NCOR1: variants seen among roughly 807,000 people sequenced by gnomAD.
NCOR1 encodes the protein nuclear receptor corepressor 1.
NCOR1 carries 63 observed loss-of-function variants against 288.1 expected under a neutral mutation model. The observed-to-expected ratio is 0.22, with a 90% confidence interval of 0.18 to 0.27. The LOEUF is 0.27. Among genes scored for constraint, NCOR1 ranks in the 10% least tolerant of loss-of-function variants. The pLI is 1.00. For missense variants in NCOR1, 2,397 were observed against 3,019.2 expected (o/e 0.79, Z 4.83); for synonymous variants, 1,007 against 1,065.9 (o/e 0.94, Z 1.08).
intron 15 of NCOR1, among the ~76,000 whole-genome samples, chr17:16,124,096 T>A (rs575889897): frequency 2.6e-5 from 4 of 152,282 alleles, no homozygotes; most frequent in African/African-American, 7.2e-5. Flanking sequence ...CCCTTAGAGG[T>A]ATCTTCCTCA....
chr17:16,196,146 T>C (rs1568617665), intron 1 of NCOR1, among the ~76,000 whole-genome samples: 2 of 149,096 alleles, frequency 1.3e-5, no homozygotes, highest in African/African-American at 4.9e-5. Flanking sequence ...TATATAAAAA[T>C]ATAACATATA....
intron 18 of NCOR1, among the ~76,000 whole-genome samples, chr17:16,114,937 C>G (rs1286131412): frequency 6.6e-6 from 1 of 152,070 alleles, no homozygotes; most frequent in Non-Finnish European, 1.5e-5. Flanking sequence ...GGGAGTCTGA[C>G]CCCCCATTTC....
intron 21 of NCOR1, among the ~76,000 whole-genome samples, chr17:16,095,739 T>C (rs1368681161): frequency 2.6e-5 from 3 of 116,922 alleles, no homozygotes; most frequent in Admixed American, 8.8e-5. Context: ...CCGCCCCGTC[T>C]GGGAGGTGAG....
At chr17:16,092,684 TA>T (rs1567959754) in intron 21 of NCOR1, among the ~76,000 whole-genome samples, 958 of 18,026 alleles carry the variant, frequency 0.053, 37 homozygotes, top group Non-Finnish European at 0.068. Flanking sequence ...TATATATATA[TA>T]TATATATATA....
chr17:16,116,158 A>G (rs1264768684), intron 18 of NCOR1, among the ~76,000 whole-genome samples: 1 of 152,230 alleles, frequency 6.6e-6, no homozygotes, highest in Non-Finnish European at 1.5e-5. Flanking sequence ...TCACGAGAAT[A>G]GCATGAGAAA....
chr17:16,214,295 A>G (rs2092378320), intron 1 of NCOR1, among the ~76,000 whole-genome samples: 1 of 152,244 alleles, frequency 6.6e-6, no homozygotes, highest in African/African-American at 2.4e-5. Flanking sequence ...CAGGACAATC[A>G]CATGTGACCC....
chr17:16,186,164 C>G (rs1437852512), intron 3 of NCOR1, among the ~76,000 whole-genome samples: 2 of 152,028 alleles, frequency 1.3e-5, no homozygotes, highest in East Asian at 3.9e-4. Context: ...ACTGGCAACC[C>G]TAGCTGCAAA....
chr17:16,094,425 T>C (rs927554406), intron 21 of NCOR1, among the ~76,000 whole-genome samples: 3 of 152,212 alleles, frequency 2.0e-5, no homozygotes, highest in Non-Finnish European at 4.4e-5. Context: ...AAACACATTT[T>C]TGAATAAAGC....
chr17:16,057,359 GAAT>G (rs2060054157), intron 40 of NCOR1, 152 bp downstream of exon 40: 1 of 689,968 alleles, frequency 1.4e-6, no homozygotes, highest in South Asian at 1.9e-5. Context: ...GACATTCTAA[GAAT>G]AATATGCAGG....
intron 11 of NCOR1, among the ~76,000 whole-genome samples, chr17:16,141,774 T>C (rs931474428): frequency 3.3e-5 from 5 of 152,196 alleles, no homozygotes; most frequent in African/African-American, 1.2e-4. Context: ...TGGCACATAA[T>C]AGGCTATAAA....
intron 21 of NCOR1, among the ~76,000 whole-genome samples, chr17:16,093,555 T>C (rs751744466): frequency 1.3e-4 from 20 of 152,210 alleles, no homozygotes; most frequent in Non-Finnish European, 2.6e-4. Flanking sequence ...CAGGATTAAA[T>C]ACCTCATGAA....
chr17:16,208,110 G>A (rs1160808812), intron 1 of NCOR1, among the ~76,000 whole-genome samples: 1 of 132,574 alleles, frequency 7.5e-6, no homozygotes, highest in African/African-American at 2.8e-5. Flanking sequence ...GCGCAATCTC[G>A]GTTCACTGCA....
At chr17:16,149,402 A>G (rs2078522478) in intron 9 of NCOR1, 49 bp downstream of exon 9, 2 of 1,116,024 alleles carry the variant, frequency 1.8e-6, no homozygotes, top group Non-Finnish European at 2.6e-6. Context: ...CTAAATGAGC[A>G]TGAATGGGAA....
chr17:16,120,411 C>T (rs1568146637), intron 16 of NCOR1, among the ~76,000 whole-genome samples: 1 of 152,060 alleles, frequency 6.6e-6, no homozygotes, highest in South Asian at 2.1e-4. Context: ...ATCTTTCCTC[C>T]TCCTATCTAG....
intron 2 of NCOR1, among the ~76,000 whole-genome samples, chr17:16,191,066 A>C (rs1046500619): frequency 2.6e-5 from 4 of 152,242 alleles, no homozygotes; most frequent in Admixed American, 2.0e-4. Flanking sequence ...CTAAACTCTG[A>C]ATTTGGGATC....
intron 19 of NCOR1, among the ~76,000 whole-genome samples, chr17:16,103,496 C>T (rs1383793112): frequency 6.6e-6 from 1 of 152,198 alleles, no homozygotes. Flanking sequence ...GGATAAAGTC[C>T]CAAAATTGCT....
chr17:16,194,419 A>G (rs777203903), intron 2 of NCOR1, 43 bp downstream of exon 2: 63 of 1,349,286 alleles, frequency 4.7e-5, no homozygotes, highest in Non-Finnish European at 6.0e-5. Context: ...AGTAAAGAAA[A>G]ACACAAAAAA....
At position 16,030,353 on chromosome 17, in the gene NCOR1, C is replaced by A; in HGVS notation, c.*1943G>T. The A allele has an allele frequency of 4.6e-6, 1 of 218,430 alleles. No individual in the cohort carries two copies. The highest frequency in any genetic ancestry group is 5.8e-5 in the Admixed American group (1 of 17,226). The allele number at this position is 218,430 out of a possible 1,614,324, so 13.5% of individuals were successfully genotyped here. On this transcript the variant is annotated 3_prime_UTR_variant, in exon 46 of 46. Coordinates refer to ENST00000268712, the MANE Select transcript of NCOR1 (RefSeq NM_006311.4). ...TAAGTGGACCCACACAGTTCAAACC[C>A]GTGTTGTTCAAGGGTCAACTGTATT...
chr17:16,089,093 TA>T lies in NCOR1; in HGVS notation c.3017-2652del, dbSNP rs1236537207. On this transcript the variant is annotated intron_variant, in intron 22 of 45. Transcript: ENST00000268712. ...TTTCCAGTAAGTTTATAACTATGTT[TA>T]AAAAAAAAAATCCACTGGTCATAGT... 4.8e-3 allele frequency among the ~76,000 whole-genome samples: 692 copies of T among 145,642 alleles called. 5 individuals are homozygous for T. Among genetic ancestry groups the T allele is most frequent in the African/African-American group, 0.016 (645 of 39,992 alleles).
Sources: allele counts gnomAD v4.1 joint callset (sites outside exome capture counted in the v4.1 genomes callset), GRCh38; gene constraint gnomAD v4.1.1; transcripts MANE v1.5; gene names NCBI Gene and HGNC (gene_info 2026-07-23, HGNC 2026-07-21).